Variants in AFAP1 observed in about 807,000 individuals in gnomAD.
The protein encoded by AFAP1 is actin filament-associated protein 1.
AFAP1 carries 75 observed loss-of-function variants against 93.9 expected under a neutral mutation model. The observed-to-expected ratio is 0.80, with a 90% CI of 0.66 to 0.97. The LOEUF (loss-of-function observed/expected upper bound fraction) is 0.97, where lower values mean the gene tolerates loss of function less well. Ranked by LOEUF, AFAP1 falls within the 50% of genes least tolerant of loss-of-function variation. AFAP1 has a pLI of 0.00. For missense variants in AFAP1, 1,201 were observed against 1,050.8 expected (o/e 1.14, Z -1.98); for synonymous variants, 517 against 430.7 (o/e 1.20, Z -2.48).
At chr4:7,778,662 T>C (rs1258308780) in intron 14 of AFAP1, 100 bp downstream of exon 14, 21 of 1,146,268 alleles carry the variant, frequency 1.8e-5, no homozygotes, top group Non-Finnish European at 2.7e-5. Flanking sequence ...TCTCTCCAGC[T>C]GACCCCAAGC....
At chr4:7,905,937 G>C (rs1173887297) in intron 1 of AFAP1, among the ~76,000 whole-genome samples, 1 of 152,202 alleles carries the variant, frequency 6.6e-6, no homozygotes, top group Non-Finnish European at 1.5e-5. Flanking sequence ...AGGGGGACAC[G>C]CATGCAACGT....
chr4:7,793,774 G>A lies in AFAP1; in HGVS notation c.1319C>T (p.Thr440Met), dbSNP rs1392958475. 26 of 1,569,272 alleles carry A rather than the reference G, an allele frequency of 1.7e-5. No individual in the cohort carries two copies. The highest frequency in any genetic ancestry group is 2.1e-5 in the Non-Finnish European group (24 of 1,145,488). ...GRWIGILLAETGSSTDPEALH... is the reference protein window; with the variant it reads ...GRWIGILLAEMGSSTDPEALH... ...AGCCTCCGGGTCTGTGGACGATCCC[G>A]TCTCTGCGAGTAAAATCCCAATCCA... The change falls in exon 11 of 18, where the codon ACG becomes ATG. Residue 440 changes from threonine (T) to methionine (M), a missense_variant. Coordinates refer to ENST00000420658, the MANE Select transcript of AFAP1 (RefSeq NM_001134647.2).
intron 1 of AFAP1, among the ~76,000 whole-genome samples, chr4:7,872,820 A>C (rs548537727): frequency 1.4e-4 from 22 of 152,068 alleles, no homozygotes; most frequent in African/African-American, 5.1e-4. Context: ...TAATGGTGTA[A>C]ATGCCAAGGT....
chr4:7,857,495 C>T (rs1011910479), intron 3 of AFAP1, among the ~76,000 whole-genome samples: 4 of 152,176 alleles, frequency 2.6e-5, no homozygotes, highest in Non-Finnish European at 4.4e-5. Flanking sequence ...CCTTTGCACT[C>T]CTATCAGAAG....
intron 1 of AFAP1, among the ~76,000 whole-genome samples, chr4:7,922,060 T>C (rs1378887906): frequency 6.6e-6 from 1 of 151,866 alleles, no homozygotes; most frequent in Non-Finnish European, 1.5e-5. Context: ...GAAGCGGAGG[T>C]TGCAGTGAGC....
intron 14 of AFAP1, chr4:7,776,109 C>T (rs1716086799): frequency 6.6e-6 from 1 of 152,234 alleles, no homozygotes; most frequent in South Asian, 2.1e-4. Flanking sequence ...TCCGTGGTCT[C>T]CCAGTCGCTT....
At chr4:7,925,166 C>T (rs1218162447) in intron 1 of AFAP1, among the ~76,000 whole-genome samples, 1 of 148,938 alleles carries the variant, frequency 6.7e-6, no homozygotes, top group African/African-American at 2.5e-5. Context: ...TTTATTTCCC[C>T]CAAAGAATAA....
At chr4:7,836,824 CAA>C (rs111804837) in intron 6 of AFAP1, among the ~76,000 whole-genome samples, 2 of 143,336 alleles carry the variant, frequency 1.4e-5, no homozygotes, top group Admixed American at 6.9e-5. Context: ...GTGAATATAC[CAA>C]AAAAAAAAAC....
At chr4:7,859,812 C>T (rs1715468713) in intron 3 of AFAP1, among the ~76,000 whole-genome samples, 1 of 152,104 alleles carries the variant, frequency 6.6e-6, no homozygotes, top group Non-Finnish European at 1.5e-5. Context: ...AAGGAAAGCC[C>T]ATTGGTATCT....
intron 5 of AFAP1, among the ~76,000 whole-genome samples, chr4:7,841,310 C>CAG (rs1403448814): frequency 2.0e-5 from 3 of 152,010 alleles, no homozygotes; most frequent in Non-Finnish European, 2.9e-5. Context: ...CACACACACA[C>CAG]ACTGAATGCA....
At chr4:7,879,396 C>G (rs959945629) in intron 1 of AFAP1, among the ~76,000 whole-genome samples, 1 of 152,212 alleles carries the variant, frequency 6.6e-6, no homozygotes, top group Non-Finnish European at 1.5e-5. Context: ...TACACGTGAA[C>G]CACCTCCTCT....
At chr4:7,853,810 G>C (rs1042731536) in intron 4 of AFAP1, among the ~76,000 whole-genome samples, 1 of 152,152 alleles carries the variant, frequency 6.6e-6, no homozygotes, top group African/African-American at 2.4e-5. Flanking sequence ...GCTGTGTCCT[G>C]GGGCCATCAA....
chr4:7,816,782 C>A (rs1448311813), intron 7 of AFAP1, among the ~76,000 whole-genome samples: 2 of 152,198 alleles, frequency 1.3e-5, no homozygotes, highest in Non-Finnish European at 1.5e-5. Flanking sequence ...CCTGTGCCTT[C>A]CACGAGGGCC....
Position 7,763,524 on chromosome 4 carries a change from CTTT to C in AFAP1, c.*238_*240del. ...CATCCTTTCAAACACCTTTCCATCACTTTTTTTGTTTTTTAACAAAGTTGGGAA... is the reference window on the plus strand; with the variant it reads ...CATCCTTTCAAACACCTTTCCATCACTTTTGTTTTTTAACAAAGTTGGGAA... On this transcript the variant is annotated 3_prime_UTR_variant, in exon 18 of 18. Coordinates refer to ENST00000420658, the MANE Select transcript of AFAP1 (RefSeq NM_001134647.2). 1.8e-6 allele frequency: 1 copy of C among 549,536 alleles called. No individual in the cohort carries two copies. Among genetic ancestry groups the C allele is most frequent in the Non-Finnish European group, 3.2e-6 (1 of 311,624 alleles). 34.0% of individuals were successfully genotyped at this position (549,536 alleles called of 1,614,324 possible). A position where few individuals can be genotyped will look rare whatever the true frequency, so the allele number is the denominator to read the frequency against.
rs190314133 is a variant in AFAP1, at chr4:7,838,778, T to C, written c.547-75A>G. On this transcript the variant is annotated intron_variant, in intron 5 of 17. Coordinates refer to ENST00000420658, the MANE Select transcript of AFAP1 (RefSeq NM_001134647.2). ...AAACACTGAGGAAGCTCTAGCATCATGAAAACCTGAGTGCGGGCAAGGCAT... is the reference window on the plus strand; with the variant it reads ...AAACACTGAGGAAGCTCTAGCATCACGAAAACCTGAGTGCGGGCAAGGCAT... The C allele has an allele frequency of 8.0e-4, 1,234 of 1,539,784 alleles. 17 individuals are homozygous for C. In the Admixed American group the frequency reaches 0.021, roughly 26 times the overall value.
chr4:7,915,347 A>G (rs62290573), intron 1 of AFAP1, among the ~76,000 whole-genome samples: 51,613 of 149,844 alleles, frequency 0.34, 9,889 homozygotes, highest in Non-Finnish European at 0.45. Context: ...CCATTTGTAC[A>G]TCTTCTTTCA....
At chr4:7,831,762 G>A (rs575798558) in intron 6 of AFAP1, among the ~76,000 whole-genome samples, 1 of 152,206 alleles carries the variant, frequency 6.6e-6, no homozygotes, top group African/African-American at 2.4e-5. Flanking sequence ...CACTGAGGAA[G>A]AGCTAAGCAC....
At chr4:7,805,032 G>T (rs898570606) in intron 9 of AFAP1, among the ~76,000 whole-genome samples, 1 of 152,128 alleles carries the variant, frequency 6.6e-6, no homozygotes, top group Non-Finnish European at 1.5e-5. Flanking sequence ...GTGGCTCCTG[G>T]ACTAAGAATG....
At chr4:7,819,780 T>C (rs1243179580) in intron 6 of AFAP1, among the ~76,000 whole-genome samples, 1 of 152,150 alleles carries the variant, frequency 6.6e-6, no homozygotes, top group East Asian at 1.9e-4. Context: ...CCTAGGAGCA[T>C]TTCAAGGAGA....
Sources: allele counts gnomAD v4.1 joint callset (sites outside exome capture counted in the v4.1 genomes callset), GRCh38; gene constraint gnomAD v4.1.1; transcripts MANE v1.5; gene names NCBI Gene and HGNC (gene_info 2026-07-23, HGNC 2026-07-21).